Variants in GRAMD4 observed in about 807,000 individuals in gnomAD.
The protein encoded by GRAMD4 is GRAM domain-containing protein 4.
A neutral mutation model predicts 83.9 loss-of-function variants in GRAMD4; 25 were observed. The observed-to-expected ratio is 0.30, with a 90% CI of 0.22 to 0.42. GRAMD4 has a LOEUF of 0.42. Ranked by LOEUF, GRAMD4 falls within the 10% of genes least tolerant of loss-of-function variation. GRAMD4 has a pLI of 1.00. For missense variants in GRAMD4, 593 were observed against 788.7 expected (o/e 0.75, Z 2.97); for synonymous variants, 336 against 320.9 (o/e 1.05, Z -0.50).
rs1018163014 is a variant in GRAMD4 at position 46,672,280 on chromosome 22, A to G, written c.1085-563A>G. 3.3e-5 allele frequency among the ~76,000 whole-genome samples: 5 copies of G among 151,894 alleles called. No homozygotes were observed. Among genetic ancestry groups the G allele is most frequent in the African/African-American group, 1.2e-4 (5 of 41,338 alleles). On this transcript the variant is annotated intron_variant, in intron 13 of 18. Transcript: ENST00000406902. This position sits in a 1 kb window ranked among gnomAD's most constrained non-coding sequence, Gnocchi z 4.7. ...GTCAGGTGACAGTATCGGGGAGAAA[A>G]CGGAGCTGGTGGAGGGGAACTTGCG...
downstream of GRAMD4, chr22:46,682,487 A>T: frequency 1.0e-6 from 1 of 971,038 alleles, no homozygotes; most frequent in Non-Finnish European, 1.2e-6. Context: ...GCTCTCGAAG[A>T]CCTGCCTGTA....
intron 1 of GRAMD4, among the ~76,000 whole-genome samples, chr22:46,581,786 A>G (rs1471065722): frequency 6.6e-6 from 1 of 152,246 alleles, no homozygotes; most frequent in Non-Finnish European, 1.5e-5. Flanking sequence ...CTGTGCTTCT[A>G]ACCTAAGCCC....
exon 1 of GRAMD4, chr22:46,577,252 C>T (rs2081050814): frequency 1.0e-6 from 1 of 977,744 alleles, no homozygotes; most frequent in Non-Finnish European, 1.2e-6. Context: ...GGGGGCGCCG[C>T]GGCGGGTGGA....
At chr22:46,616,918 C>CCG (rs2081508642), upstream of GRAMD4, among the ~76,000 whole-genome samples, 1 of 34,426 alleles carries the variant, frequency 2.9e-5, no homozygotes, top group Non-Finnish European at 6.2e-5. Context: ...GTAGGTTCCC[C>CCG]TGTGCGTATA....
At chr22:46,640,396 G>T (rs563130485) in intron 3 of GRAMD4, among the ~76,000 whole-genome samples, 1 of 152,112 alleles carries the variant, frequency 6.6e-6, no homozygotes, top group Non-Finnish European at 1.5e-5. Context: ...AGGCAGATTC[G>T]CTTTGAGACG....
Position 46,663,255 on chromosome 22 carries a change from T to A in GRAMD4, c.599+83T>A, listed in dbSNP as rs571274160. ...AGGCTGCAGCGGGTGGGCCATCCTT[T>A]ATCACCGTGGGCCAAAGCTGTCTGT... On this transcript the variant is annotated intron_variant, in intron 6 of 18. Transcript: ENST00000406902. 3.0e-6 allele frequency: 4 copies of A among 1,325,776 alleles called. No individual in the cohort carries two copies. The South Asian group carries it at 5.1e-5, about 17-fold the overall frequency. The allele number at this position is 1,325,776 out of a possible 1,614,324, so 82.1% of individuals were successfully genotyped here.
At chr22:46,602,096 C>T (rs990977591) in intron 1 of GRAMD4, among the ~76,000 whole-genome samples, 1 of 152,250 alleles carries the variant, frequency 6.6e-6, no homozygotes, top group African/African-American at 2.4e-5. Context: ...GTCCTCGCTC[C>T]TTGCGAGGCT....
At chr22:46,668,580 G>A in intron 11 of GRAMD4, 109 bp from the exon 12 acceptor site, 1 of 999,218 alleles carries the variant, frequency 1.0e-6, no homozygotes, top group African/African-American at 1.6e-5. Context: ...GGACCACAGG[G>A]CTCCGAGTGA....
At chr22:46,629,561 T>G (rs1223949820) in intron 2 of GRAMD4, among the ~76,000 whole-genome samples, 1 of 152,052 alleles carries the variant, frequency 6.6e-6, no homozygotes, top group Non-Finnish European at 1.5e-5. Context: ...TCATCACCCT[T>G]CTTTACACGG....
intron 3 of GRAMD4, among the ~76,000 whole-genome samples, chr22:46,651,677 G>A (rs139739861): frequency 0.02 from 3,019 of 152,334 alleles, 40 homozygotes; most frequent in Non-Finnish European, 0.033. Context: ...GATGCGCTGT[G>A]GCAGGTCATG....
chr22:46,642,954 C>CCATCCAT (rs2081993937), intron 3 of GRAMD4, among the ~76,000 whole-genome samples: 2 of 32,776 alleles, frequency 6.1e-5, no homozygotes, highest in African/African-American at 1.1e-4. Context: ...CATCCATCCA[C>CCATCCAT]GCATGCATCT....
chr22:46,580,647 C>G (rs1437050803), intron 1 of GRAMD4, among the ~76,000 whole-genome samples: 6 of 152,110 alleles, frequency 3.9e-5, no homozygotes, highest in Non-Finnish European at 7.4e-5. Flanking sequence ...CACTCAGACT[C>G]TTAGAGACAG....
At chr22:46,577,995 T>C (rs9616057) in intron 1 of GRAMD4, among the ~76,000 whole-genome samples, 71,204 of 152,020 alleles carry the variant, frequency 0.47, 17,482 homozygotes, top group Non-Finnish European at 0.54. Context: ...GCCAGTTTGT[T>C]CTCAGCCGGG....
chr22:46,654,615 T>A (rs1284869198), intron 3 of GRAMD4, among the ~76,000 whole-genome samples: 1 of 152,190 alleles, frequency 6.6e-6, no homozygotes, highest in Non-Finnish European at 1.5e-5. Flanking sequence ...GTTAGGGCTG[T>A]GACACCGAAT....
intron 3 of GRAMD4, among the ~76,000 whole-genome samples, chr22:46,644,705 T>TG (rs2082044971): frequency 2.8e-5 from 1 of 35,602 alleles, no homozygotes; most frequent in Admixed American, 3.4e-4. Flanking sequence ...CTGTTTTTTT[T>TG]TTTTTTTTTT....
chr22:46,625,265 T>C (rs918708311), intron 1 of GRAMD4, among the ~76,000 whole-genome samples: 3 of 152,202 alleles, frequency 2.0e-5, no homozygotes, highest in Non-Finnish European at 4.4e-5. Flanking sequence ...CCTCTGTGGC[T>C]CAGAGTGGGT....
downstream of GRAMD4, among the ~76,000 whole-genome samples, chr22:46,680,995 A>G (rs1206395599): frequency 2.5e-5 from 3 of 121,958 alleles, no homozygotes; most frequent in African/African-American, 9.5e-5. Flanking sequence ...GTGATGGGCT[A>G]GGAACCTGCC....
chr22:46,655,074 A>G (rs994600048), intron 3 of GRAMD4, among the ~76,000 whole-genome samples: 3 of 152,196 alleles, frequency 2.0e-5, no homozygotes, highest in Non-Finnish European at 1.5e-5. Context: ...ACTGAGGCTG[A>G]GGGACAGCTT....
In GRAMD4 at chr22:46,637,928, T is replaced by A; in HGVS notation, c.251T>A (p.Leu84Gln). 1 of 1,614,046 alleles carries A rather than the reference T, an allele frequency of 6.2e-7. No individual in the cohort carries two copies. Among genetic ancestry groups the A allele is most frequent in the Non-Finnish European group, 8.5e-7 (1 of 1,179,884 alleles). Reference sequence around the variant, plus strand: ...CGACTGAATGAGATCAAAGGTCACCTGGAAATTGCCTTATTGGAAAAACAT... The same window carrying A: ...CGACTGAATGAGATCAAAGGTCACCAGGAAATTGCCTTATTGGAAAAACAT... ...FDRLNEIKGH[L>Q]EIALLEKHFL... Residue 84 changes from leucine (L) to glutamine (Q), a missense_variant, in exon 3 of 19, where the codon CTG (leucine) becomes CAG (glutamine). By Grantham distance (113) the Leu-to-Gln change is moderately radical. Around this residue, in one of 4 missense-constraint regions of GRAMD4, gnomAD observed 312 missense variants for 350.7 expected, o/e 0.89. Coordinates refer to ENST00000406902, the MANE Select transcript of GRAMD4 (RefSeq NM_015124.5).
Sources: gnomAD v4.1 joint callset for allele counts (sites outside exome capture counted in the v4.1 genomes callset) on GRCh38, gnomAD v4.1.1 for gene constraint, gnomAD v4.1.1 regional missense constraint, Gnocchi (gnomAD v3.1) non-coding constraint, MANE v1.5 for transcripts, NCBI Gene and HGNC (gene_info 2026-07-23, HGNC 2026-07-21) for gene names.